Variants in DNAH7 observed in about 807,000 individuals in gnomAD.
DNAH7 encodes the protein axonemal beta dynein heavy chain 7.
In DNAH7, 397 loss-of-function variants were observed where a neutral mutation model predicts 444.6. The observed-to-expected ratio is 0.89, with a 90% confidence interval of 0.82 to 0.97. DNAH7 has a LOEUF of 0.97. Among genes scored for constraint, DNAH7 ranks in the 50% least tolerant of loss-of-function variants. DNAH7 has a pLI of 0.00. For synonymous variants in DNAH7, 1,636 were observed against 1,624.4 expected (o/e 1.01, Z -0.17); for missense variants, 4,902 against 4,800.8 (o/e 1.02, Z -0.62).
At chr2:196,043,561 A>T (rs979427926) in intron 5 of DNAH7, among the ~76,000 whole-genome samples, 12 of 152,120 alleles carry the variant, frequency 7.9e-5, no homozygotes, top group African/African-American at 2.9e-4. Flanking sequence ...AGATAAATAG[A>T]TGGGACCTAA....
rs148592943 is a variant in DNAH7, at chr2:195,756,274, G to C, written c.11445C>G (p.Val3815=). The change falls in exon 62 of 65, where the codon GTC becomes GTG. Residue 3815 remains valine, a synonymous_variant. Coordinates refer to ENST00000312428, the MANE Select transcript of DNAH7 (RefSeq NM_018897.3). ...NIQKAIKGLA[V]MSTDLEEVVS... is the part of the protein sequence containing the mutation. ...CCACTTCTTCAAGATCTGTAGACAT[G>C]ACTGCAAGCCCCTGAAACACATTTA... The C allele has an allele frequency of 1.9e-6, 3 of 1,610,936 alleles. No individual in the cohort carries two copies. Among genetic ancestry groups the C allele is most frequent in the Non-Finnish European group, 2.5e-6 (3 of 1,178,040 alleles).
At chr2:195,934,554 G>T (rs777397249) in intron 21 of DNAH7, 37 bp downstream of exon 21, 2 of 1,578,136 alleles carry the variant, frequency 1.3e-6, no homozygotes, top group Non-Finnish European at 1.7e-6. Flanking sequence ...TCATATTCTA[G>T]CATCCTTTTC....
At chr2:195,985,467 G>C (rs978781657) in intron 14 of DNAH7, among the ~76,000 whole-genome samples, 7 of 152,168 alleles carry the variant, frequency 4.6e-5, no homozygotes, top group Admixed American at 3.9e-4. Flanking sequence ...GAAAGCAATG[G>C]GGCTGAGCTC....
intron 5 of DNAH7, among the ~76,000 whole-genome samples, chr2:196,040,985 G>A (rs1329335842): frequency 6.6e-6 from 1 of 151,280 alleles, no homozygotes; most frequent in Non-Finnish European, 1.5e-5. Flanking sequence ...TAATTACCTA[G>A]GAAGAAATTT....
intron 19 of DNAH7, 51 bp from the exon 20 acceptor site, chr2:195,936,843 C>T (rs541721727): frequency 1.1e-5 from 14 of 1,226,648 alleles, no homozygotes; most frequent in African/African-American, 1.6e-5. Context: ...GATACTAACT[C>T]TATTTATATT....
intron 58 of DNAH7, among the ~76,000 whole-genome samples, chr2:195,781,976 TACACACACACACACAC>T (rs59244207): frequency 2.3e-5 from 3 of 129,754 alleles, no homozygotes; most frequent in Admixed American, 7.8e-5. Flanking sequence ...GTGGGTCTTA[TACACACACACACACAC>T]ACACACACAC....
At chr2:196,053,586 T>C (rs571503936) in intron 2 of DNAH7, among the ~76,000 whole-genome samples, 1 of 152,234 alleles carries the variant, frequency 6.6e-6, no homozygotes, top group African/African-American at 2.4e-5. Flanking sequence ...TTAAGAATAA[T>C]ATAGGCAACA....
rs767689443 is a variant in DNAH7, at chr2:196,051,199, T to G, written c.129A>C (p.Pro43=). ...EKFKAPARAL[P]QLSMVSTKPH... ...TTGGATAAGTTACCATAGACAGCTG[T>G]GGTAAAGCTCTTGCTGGTGCCTTGA... The change falls in exon 3 of 65, where the codon CCA becomes CCC. Residue 43 remains proline (P), a synonymous_variant. Transcript: ENST00000312428. The G allele has an allele frequency of 6.2e-7, 1 of 1,613,706 alleles. No individual in the cohort carries two copies. Among genetic ancestry groups the G allele is most frequent in the Non-Finnish European group, 8.5e-7 (1 of 1,179,684 alleles).
intron 5 of DNAH7, among the ~76,000 whole-genome samples, chr2:196,033,306 G>A (rs927573938): frequency 6.6e-6 from 1 of 152,086 alleles, no homozygotes; most frequent in Non-Finnish European, 1.5e-5. Flanking sequence ...ACTTTGTGTG[G>A]AGAATTTATG....
chr2:195,989,315 G>T (rs774601563), intron 12 of DNAH7, among the ~76,000 whole-genome samples: 2 of 152,144 alleles, frequency 1.3e-5, no homozygotes, highest in Non-Finnish European at 2.9e-5. Flanking sequence ...ACAGTGTGTA[G>T]GGGTTCCCTT....
chr2:195,883,451 T>TCCCCCC (rs778869268), intron 35 of DNAH7, among the ~76,000 whole-genome samples: 16 of 121,136 alleles, frequency 1.3e-4, no homozygotes, highest in African/African-American at 4.5e-4. Context: ...CAGTCCCCGC[T>TCCCCCC]CCCCCCCCCC....
chr2:195,744,572 C>G (rs1005921391), intron 63 of DNAH7, among the ~76,000 whole-genome samples: 3 of 152,224 alleles, frequency 2.0e-5, no homozygotes, highest in African/African-American at 4.8e-5. Context: ...CCTGACCCCT[C>G]ACCCCCGAGC....
At position 196,001,841 on chromosome 2, in the gene DNAH7, T is replaced by C. The variant is rs148307213; in HGVS notation, c.1007A>G (p.Gln336Arg). 4.4e-5 allele frequency: 70 copies of C among 1,607,280 alleles called. 2 individuals carry two copies. In the South Asian group the frequency reaches 7.4e-4, roughly 17 times the overall value. ...TLLKMWFPEV[Q>R]NIYYQGNKKK... Reference sequence around the variant, plus strand: ...TTTATTACCTTGGTAATAAATATTCTGCACTTCTGGAAACCACCTTGAAAG... The same window carrying C: ...TTTATTACCTTGGTAATAAATATTCCGCACTTCTGGAAACCACCTTGAAAG... The change falls in exon 11 of 65, where the codon CAG (glutamine) becomes CGG (arginine). Residue 336 changes from glutamine to arginine, a missense_variant. Transcript: ENST00000312428.
intron 20 of DNAH7, among the ~76,000 whole-genome samples, chr2:195,935,634 A>T (rs1038331697): frequency 2.6e-5 from 4 of 152,200 alleles, no homozygotes; most frequent in Non-Finnish European, 4.4e-5. Context: ...TAAATTACAG[A>T]GTATGCCAGA....
intron 2 of DNAH7, among the ~76,000 whole-genome samples, chr2:196,053,846 C>T (rs991634804): frequency 1.3e-5 from 2 of 152,158 alleles, no homozygotes; most frequent in African/African-American, 2.4e-5. Flanking sequence ...ACAGGAAACA[C>T]AGTTAAGTGC....
chr2:196,051,343 A>C (rs1488764504), intron 2 of DNAH7, 94 bp from the exon 3 acceptor site: 2 of 917,542 alleles, frequency 2.2e-6, no homozygotes, highest in East Asian at 2.4e-5. Context: ...CTATTTAAAA[A>C]GTACATATTA....
Sources: allele counts gnomAD v4.1 joint callset (sites outside exome capture counted in the v4.1 genomes callset), GRCh38; gene constraint gnomAD v4.1.1; transcripts MANE v1.5; gene names NCBI Gene and HGNC (gene_info 2026-07-23, HGNC 2026-07-21).